The following HK2 variants were observed in gnomAD, a reference collection of about 807,000 sequenced individuals.
HK2 encodes the protein hexokinase-2.
A neutral mutation model predicts 92.9 loss-of-function variants in HK2; 42 were observed. The observed-to-expected ratio is 0.45, with a 90% CI of 0.35 to 0.58. HK2 has a LOEUF of 0.58. Ranked by LOEUF, HK2 falls within the 20% of genes least tolerant of loss-of-function variation. The pLI, the probability that HK2 is intolerant of heterozygous loss-of-function variation, is 0.00. For synonymous variants in HK2, 422 were observed against 468.0 expected, an observed-to-expected ratio of 0.90 and a Z score of 1.27; for missense variants, 978 against 1,245.1, an observed-to-expected ratio of 0.79 and a Z score of 3.23.
At chr2:74,883,309 CGTG>C (rs1689446571) in intron 12 of HK2, among the ~76,000 whole-genome samples, 1 of 152,124 alleles carries the variant, frequency 6.6e-6, no homozygotes, top group South Asian at 2.1e-4. Flanking sequence ...ATGTGGCCCT[CGTG>C]GGATGGATAC....
chr2:74,869,873 C>T (rs1689053108), intron 3 of HK2, among the ~76,000 whole-genome samples: 1 of 152,174 alleles, frequency 6.6e-6, no homozygotes, highest in African/African-American at 2.4e-5. Context: ...GAACTTCTTG[C>T]AGCAATGGAA....
chr2:74,834,730 C>A lies in HK2; in HGVS notation c.63+87C>A. ...TCTCTTCCTCGACCCTGCGGGGACC[C>A]GCTTCCTCCCTACTCCGGGCCTGGG... On this transcript the variant is annotated intron_variant, in intron 1 of 17. Coordinates refer to ENST00000290573, the MANE Select transcript of HK2 (RefSeq NM_000189.5). The surrounding 1 kb of genome is among the most constrained non-coding windows in gnomAD (Gnocchi z 4.2). The A allele has an allele frequency of 6.9e-7, 1 of 1,442,904 alleles. No homozygotes were observed. Among genetic ancestry groups the A allele is most frequent in the Non-Finnish European group, 9.7e-7 (1 of 1,025,654 alleles). 89.4% of individuals were successfully genotyped at this position (1,442,904 alleles called of 1,614,324 possible).
At chr2:74,845,679 T>C (rs1260218307) in intron 1 of HK2, among the ~76,000 whole-genome samples, 1 of 152,260 alleles carries the variant, frequency 6.6e-6, no homozygotes, top group Non-Finnish European at 1.5e-5. Context: ...GGCATTGGCC[T>C]GAGGTGGCAT....
chr2:74,846,716 G>A (rs1358907531), intron 1 of HK2, among the ~76,000 whole-genome samples: 1 of 152,298 alleles, frequency 6.6e-6, no homozygotes, highest in East Asian at 1.9e-4. Context: ...GTGCAGCAGC[G>A]TGATCATGGC....
intron 10 of HK2, among the ~76,000 whole-genome samples, chr2:74,881,377 G>A (rs1012583985): frequency 2.6e-5 from 4 of 152,180 alleles, no homozygotes; most frequent in African/African-American, 9.7e-5. Flanking sequence ...ATGGCCCCGG[G>A]CAAGTGATTT....
At position 74,892,177 on chromosome 2, in the gene HK2, T is replaced by G. The variant is rs946593688; in HGVS notation, c.*1236T>G. 1 of 152,364 alleles carries G rather than the reference T, an allele frequency of 6.6e-6. No homozygotes were observed. Among genetic ancestry groups the G allele is most frequent in the Non-Finnish European group, 1.5e-5 (1 of 68,046 alleles). The allele number at this position is 152,364 out of a possible 1,614,324, so 9.4% of individuals were successfully genotyped here. On this transcript the variant is annotated 3_prime_UTR_variant, in exon 18 of 18. Coordinates refer to ENST00000290573, the MANE Select transcript of HK2 (RefSeq NM_000189.5). The stretch of plus-strand genomic sequence containing the variant: ...AAATGGACTCATGGCTTAGAAATCT[T>G]TATTCTTAGGGCAGTCAGTAGTATT...
chr2:74,843,616 C>G (rs1171905250), intron 1 of HK2, among the ~76,000 whole-genome samples: 1 of 152,184 alleles, frequency 6.6e-6, no homozygotes, highest in Non-Finnish European at 1.5e-5. Context: ...CACCCACCTC[C>G]TGCCCACTCA....
intron 7 of HK2, among the ~76,000 whole-genome samples, chr2:74,875,924 ATGGTAGCCC>A (rs1448030872): frequency 6.6e-6 from 1 of 152,234 alleles, no homozygotes; most frequent in Non-Finnish European, 1.5e-5. Context: ...ATTGTCATCC[ATGGTAGCCC>A]TGAAGTCACT....
intron 1 of HK2, among the ~76,000 whole-genome samples, chr2:74,842,373 T>C (rs144222422): frequency 1.6e-4 from 24 of 152,334 alleles, no homozygotes; most frequent in Non-Finnish European, 3.5e-4. Flanking sequence ...CAACACTTTA[T>C]TGTAAAATAG....
intron 2 of HK2, among the ~76,000 whole-genome samples, chr2:74,855,477 C>G (rs1036080631): frequency 1.3e-5 from 2 of 152,286 alleles, no homozygotes; most frequent in Admixed American, 6.5e-5. Context: ...ACCTCGTACC[C>G]GCCCACCTCG....
At chr2:74,856,529 A>G (rs1181653475) in intron 2 of HK2, among the ~76,000 whole-genome samples, 2 of 152,006 alleles carry the variant, frequency 1.3e-5, no homozygotes, top group African/African-American at 2.4e-5. Flanking sequence ...AAATGTACAC[A>G]CTCCGGAAGG....
rs765189381 is a variant in HK2 at position 74,886,590 on chromosome 2, C to G, written c.2136C>G (p.Phe712Leu). 7 of 1,613,794 alleles carry G rather than the reference C, an allele frequency of 4.3e-6. No individual in the cohort carries two copies. Among genetic ancestry groups the G allele is most frequent in the Non-Finnish European group, 5.9e-6 (7 of 1,179,986 alleles). ...RMCVNMEWGAFGDNGCLDDFR... is the reference protein window; with the variant it reads ...RMCVNMEWGALGDNGCLDDFR... ...GTGTGAACATGGAATGGGGGGCCTT[C>G]GGGGACAATGGATGCCTAGATGACT... is the stretch of plus-strand genomic sequence containing the variant. The change falls in exon 15 of 18, where the codon TTC (phenylalanine) becomes TTG (leucine). Residue 712 changes from phenylalanine (F) to leucine (L), a missense_variant. Phe to Leu is a conservative substitution (Grantham distance 22, BLOSUM62 0). Around this residue, in one of 3 missense-constraint regions of HK2, gnomAD observed 742 missense variants for 922.5 expected, o/e 0.80. Transcript: ENST00000290573.
intron 17 of HK2, among the ~76,000 whole-genome samples, 189 bp from the exon 18 acceptor site, chr2:74,890,608 C>T (rs1460813543): frequency 6.6e-6 from 1 of 152,176 alleles, no homozygotes; most frequent in Non-Finnish European, 1.5e-5. Context: ...ACTAGTGTCT[C>T]CAAGCCACGG....
chr2:74,876,671 G>A (rs571493589), intron 7 of HK2, among the ~76,000 whole-genome samples: 58 of 152,254 alleles, frequency 3.8e-4, no homozygotes, highest in African/African-American at 1.3e-3. Context: ...TGCCCCAGGT[G>A]GTTTTCACAC....
intron 1 of HK2, among the ~76,000 whole-genome samples, chr2:74,846,159 G>T (rs1369608883): frequency 6.6e-6 from 1 of 152,260 alleles, no homozygotes; most frequent in East Asian, 1.9e-4. Flanking sequence ...TTGAAATTAA[G>T]TTGCAAGCAT....
At chr2:74,859,978 C>T (rs1262936369) in intron 2 of HK2, among the ~76,000 whole-genome samples, 1 of 152,216 alleles carries the variant, frequency 6.6e-6, no homozygotes, top group Non-Finnish European at 1.5e-5. Context: ...TAATAGAATA[C>T]TGTTCAGTCT....
At chr2:74,883,895 G>T (rs1239226333) in intron 12 of HK2, among the ~76,000 whole-genome samples, 1 of 152,116 alleles carries the variant, frequency 6.6e-6, no homozygotes, top group Non-Finnish European at 1.5e-5. Flanking sequence ...CTAGTTATTT[G>T]TAATAAATTT....
intron 1 of HK2, among the ~76,000 whole-genome samples, chr2:74,837,672 C>CTTTTTTTTTTTTTTTT (rs894014535): frequency 9.6e-6 from 1 of 104,134 alleles, no homozygotes; most frequent in Non-Finnish European, 1.9e-5. Context: ...TTGCCCTTGT[C>CTTTTTTTTTTTTTTTT]TTTTTTTTTT....
rs3771796 is a variant in HK2, at chr2:74,838,345, C to T, written c.63+3702C>T. Among the ~76,000 whole-genome samples the T allele has an allele frequency of 2.4e-4, 37 of 152,080 alleles. 1 individual carries two copies. In the East Asian group the frequency reaches 7.2e-3, roughly 29 times the overall value. On this transcript the variant is annotated intron_variant, in intron 1 of 17. Coordinates refer to ENST00000290573, the MANE Select transcript of HK2 (RefSeq NM_000189.5). ...CTGGGCAGGGCCAGCTAGTCTTAGGCTAAAGGGATGGTATATGGGTGGACA... is the reference window on the plus strand; with the variant it reads ...CTGGGCAGGGCCAGCTAGTCTTAGGTTAAAGGGATGGTATATGGGTGGACA...
Sources: allele counts gnomAD v4.1 joint callset (sites outside exome capture counted in the v4.1 genomes callset), GRCh38; gene constraint gnomAD v4.1.1; regional missense constraint gnomAD v4.1.1; non-coding constraint Gnocchi (gnomAD v3.1); transcripts MANE v1.5; gene names NCBI Gene and HGNC (gene_info 2026-07-23, HGNC 2026-07-21).